The following ABLIM3 variants were observed in gnomAD, a reference collection of about 807,000 sequenced individuals.
ABLIM3 encodes actin binding LIM protein family member 3, also known as actin-binding LIM protein 3.
In ABLIM3, 61 loss-of-function variants were observed where a neutral mutation model predicts 109.5. The ratio of observed to expected loss-of-function variants is 0.56; its 90% CI spans 0.45 to 0.69. The LOEUF (loss-of-function observed/expected upper bound fraction) is 0.69, where lower values mean the gene tolerates loss of function less well. ABLIM3 is among the 30% of genes least tolerant of loss of function. ABLIM3 has a pLI of 0.00. For synonymous variants in ABLIM3, 300 were observed against 324.8 expected, an observed-to-expected ratio of 0.92 and a Z score of 0.82; for missense variants, 796 against 889.5, an observed-to-expected ratio of 0.89 and a Z score of 1.34.
At chr5:149,219,180 G>A (rs1250662808) in intron 8 of ABLIM3, 2 of 152,124 alleles carry the variant, frequency 1.3e-5, no homozygotes, top group Non-Finnish European at 2.9e-5. Flanking sequence ...AGGGTATTTG[G>A]TACCATCCTT....
At chr5:149,252,061 G>A (rs1201572254) in intron 21 of ABLIM3, 140 bp from the exon 22 acceptor site, 5 of 901,612 alleles carry the variant, frequency 5.5e-6, no homozygotes, top group Non-Finnish European at 8.3e-6. Context: ...AATTCAGCAA[G>A]GACAAGGTCT....
intron 6 of ABLIM3, among the ~76,000 whole-genome samples, chr5:149,209,037 G>A (rs1273254052): frequency 1.3e-5 from 2 of 152,166 alleles, no homozygotes; most frequent in Non-Finnish European, 2.9e-5. Flanking sequence ...ATGTGCCCAG[G>A]TGAAGCCAGA....
intron 5 of ABLIM3, among the ~76,000 whole-genome samples, chr5:149,205,197 C>T (rs760811563): frequency 3.9e-5 from 6 of 152,124 alleles, no homozygotes; most frequent in East Asian, 3.9e-4. Flanking sequence ...GGAGCAGTCA[C>T]GGGAGTCAAG....
intron 8 of ABLIM3, among the ~76,000 whole-genome samples, chr5:149,225,580 A>G (rs903855377): frequency 6.6e-6 from 1 of 152,092 alleles, no homozygotes; most frequent in Non-Finnish European, 1.5e-5. Context: ...TTTTATTTCC[A>G]TAGGTAATTG....
intron 5 of ABLIM3, among the ~76,000 whole-genome samples, chr5:149,204,186 G>A (rs1042941942): frequency 6.6e-5 from 10 of 152,172 alleles, no homozygotes; most frequent in African/African-American, 2.4e-4. Flanking sequence ...GTCTTTAGGA[G>A]GCCTCAGTTT....
Position 149,153,486 on chromosome 5 carries a change from A to G in ABLIM3, c.13+11378A>G, listed in dbSNP as rs529388432. On this transcript the variant is annotated intron_variant, in intron 2 of 23. Transcript: ENST00000309868. The stretch of plus-strand genomic sequence containing the variant: ...AGGAGTTGGTCTCAAGTTCAGAAAG[A>G]GGCAACTGAGCAGTACGGCCTACAG... 4.6e-5 allele frequency among the ~76,000 whole-genome samples: 7 copies of G among 152,328 alleles called. No individual in the cohort carries two copies. In the South Asian group the frequency reaches 6.2e-4, roughly 14 times the overall value.
At chr5:149,159,352 C>A (rs186582275) in intron 2 of ABLIM3, among the ~76,000 whole-genome samples, 20 of 152,268 alleles carry the variant, frequency 1.3e-4, no homozygotes, top group Non-Finnish European at 2.6e-4. Flanking sequence ...GAAATTATAA[C>A]AGAGTTTGCC....
At chr5:149,153,633 A>G (rs1321375960) in intron 2 of ABLIM3, among the ~76,000 whole-genome samples, 1 of 152,206 alleles carries the variant, frequency 6.6e-6, no homozygotes, top group African/African-American at 2.4e-5. Context: ...ATATTCCCAG[A>G]AATGAGTGAC....
At chr5:149,252,615 A>G in intron 22 of ABLIM3, 142 bp from the exon 23 acceptor site, 2 of 689,940 alleles carry the variant, frequency 2.9e-6, no homozygotes, top group East Asian at 2.5e-5. Flanking sequence ...GGCAACCCCA[A>G]GAAGGGCAGA....
intron 2 of ABLIM3, among the ~76,000 whole-genome samples, chr5:149,166,417 A>G (rs1754831966): frequency 6.6e-6 from 1 of 152,116 alleles, no homozygotes; most frequent in African/African-American, 2.4e-5. Flanking sequence ...AGAAGCAGTT[A>G]TTTCATCCCT....
At chr5:149,246,934 G>A (rs1753435406) in intron 17 of ABLIM3, among the ~76,000 whole-genome samples, 1 of 152,200 alleles carries the variant, frequency 6.6e-6, no homozygotes, top group Non-Finnish European at 1.5e-5. Context: ...ACATGATCCA[G>A]CAATTCCACT....
At chr5:149,166,785 C>A (rs1754877618) in intron 2 of ABLIM3, among the ~76,000 whole-genome samples, 1 of 152,218 alleles carries the variant, frequency 6.6e-6, no homozygotes, top group African/African-American at 2.4e-5. Flanking sequence ...ACTTTGCAGT[C>A]ATGTGGTCTC....
At chr5:149,249,775 T>G in intron 18 of ABLIM3, 40 bp from the exon 19 acceptor site, 1 of 1,613,568 alleles carries the variant, frequency 6.2e-7, no homozygotes, top group Admixed American at 1.7e-5. Flanking sequence ...ATGTTTGTCT[T>G]TCCTCATGAG....
chr5:149,255,774 T>A (rs183646629), intron 23 of ABLIM3, among the ~76,000 whole-genome samples: 4 of 152,090 alleles, frequency 2.6e-5, no homozygotes, highest in African/African-American at 9.7e-5. Context: ...GAGGAGAAGA[T>A]GAAGTCCAAG....
intron 2 of ABLIM3, among the ~76,000 whole-genome samples, chr5:149,142,579 C>G (rs913296035): frequency 6.6e-6 from 1 of 152,184 alleles, no homozygotes; most frequent in African/African-American, 2.4e-5. Flanking sequence ...AACAAATAAT[C>G]GCCAAGCCAC....
chr5:149,185,514 G>C (rs1756873770), intron 3 of ABLIM3, among the ~76,000 whole-genome samples: 1 of 152,144 alleles, frequency 6.6e-6, no homozygotes, highest in African/African-American at 2.4e-5. Flanking sequence ...AGGGAGATCT[G>C]CAGCATCAGA....
intron 2 of ABLIM3, among the ~76,000 whole-genome samples, chr5:149,172,411 G>T (rs527482806): frequency 1.3e-5 from 2 of 152,032 alleles, no homozygotes; most frequent in Non-Finnish European, 2.9e-5. Context: ...GAAAACCACC[G>T]CCTGCCCCTG....
intron 2 of ABLIM3, among the ~76,000 whole-genome samples, chr5:149,155,408 C>A (rs1325894752): frequency 6.6e-6 from 1 of 152,180 alleles, no homozygotes; most frequent in Non-Finnish European, 1.5e-5. Context: ...CTGCTTCCAT[C>A]CAGCATCTTG....
intron 16 of ABLIM3, among the ~76,000 whole-genome samples, chr5:149,245,348 G>T (rs1259437504): frequency 6.6e-6 from 1 of 152,186 alleles, no homozygotes; most frequent in African/African-American, 2.4e-5. Context: ...TCTCAATGCA[G>T]CCACTCAGCT....
Sources: gnomAD v4.1 joint callset for allele counts (sites outside exome capture counted in the v4.1 genomes callset) on GRCh38, gnomAD v4.1.1 for gene constraint, MANE v1.5 for transcripts, NCBI Gene and HGNC (gene_info 2026-07-23, HGNC 2026-07-21) for gene names.